RBPMS2: variants seen among roughly 807,000 people sequenced by gnomAD.
The protein encoded by RBPMS2 is RNA binding protein, mRNA processing factor 2, also known as RNA-binding protein with multiple splicing 2.
RBPMS2 carries 14 observed loss-of-function variants against 25.7 expected under a neutral mutation model. That is an observed-to-expected ratio of 0.55 (90% CI 0.36 to 0.85). The LOEUF is 0.85. Among genes scored for constraint, RBPMS2 ranks in the 40% least tolerant of loss-of-function variants. RBPMS2 has a pLI of 0.01. For missense variants in RBPMS2, 252 were observed against 283.4 expected, an observed-to-expected ratio of 0.89 and a Z score of 0.80; for synonymous variants, 127 against 115.6, an observed-to-expected ratio of 1.10 and a Z score of -0.63.
At chr15:64,749,396 G>T in intron 4 of RBPMS2, 35 bp downstream of exon 4, 1 of 1,582,830 alleles carries the variant, frequency 6.3e-7, no homozygotes, top group Non-Finnish European at 8.7e-7. Context: ...TAAGAGGGCT[G>T]TGAGTCAGAG....
intron 4 of RBPMS2, 79 bp downstream of exon 4, chr15:64,749,352 C>T: frequency 1.4e-6 from 2 of 1,423,376 alleles, no homozygotes; most frequent in Non-Finnish European, 9.9e-7. Context: ...CCAGGGATGG[C>T]CGGGAAATAA....
chr15:64,747,230 C>G (rs2083625542), intron 6 of RBPMS2, among the ~76,000 whole-genome samples: 1 of 152,164 alleles, frequency 6.6e-6, no homozygotes, highest in Non-Finnish European at 1.5e-5. Flanking sequence ...AGGGTAGCAG[C>G]CCCTGAATCT....
At chr15:64,766,379 C>T (rs566377569) in intron 1 of RBPMS2, among the ~76,000 whole-genome samples, 47 of 152,088 alleles carry the variant, frequency 3.1e-4, no homozygotes, top group Non-Finnish European at 5.7e-4. Context: ...AGTGTTGGCA[C>T]GTATCAGAAG....
intron 1 of RBPMS2, among the ~76,000 whole-genome samples, chr15:64,764,644 G>A (rs989219910): frequency 1.3e-5 from 2 of 152,212 alleles, no homozygotes; most frequent in African/African-American, 4.8e-5. Context: ...GGTGGGGCAC[G>A]GTGGCTCACG....
chr15:64,763,431 G>C (rs889659193), intron 1 of RBPMS2, among the ~76,000 whole-genome samples: 1 of 152,274 alleles, frequency 6.6e-6, no homozygotes, highest in African/African-American at 2.4e-5. Flanking sequence ...TGGCCCCAGA[G>C]TTTACCAGTG....
intron 1 of RBPMS2, 90 bp downstream of exon 1, chr15:64,775,143 G>T: frequency 1.4e-6 from 1 of 692,384 alleles, no homozygotes. Context: ...GGCCACCCCG[G>T]CCCCGCGAGG....
intron 1 of RBPMS2, among the ~76,000 whole-genome samples, chr15:64,764,027 G>C (rs1204567310): frequency 6.6e-6 from 1 of 152,222 alleles, no homozygotes; most frequent in African/African-American, 2.4e-5. Flanking sequence ...AGACCAAACA[G>C]AGAATGAGCT....
At chr15:64,743,965 G>A (rs374354536) in intron 6 of RBPMS2, among the ~76,000 whole-genome samples, 2 of 152,064 alleles carry the variant, frequency 1.3e-5, no homozygotes, top group Non-Finnish European at 2.9e-5. Context: ...AATTAGCTGG[G>A]CGTGGTAGCA....
chr15:64,740,299 A>C lies in RBPMS2; in HGVS notation c.*709T>G, dbSNP rs1027219523. Reference sequence around the variant, plus strand: ...TTTTGGTTGGTTTCGAGGTTTGGAAAGAATGAGGAGCAGCGGCGGGCGGGG... The same window carrying C: ...TTTTGGTTGGTTTCGAGGTTTGGAACGAATGAGGAGCAGCGGCGGGCGGGG... On this transcript the variant is annotated 3_prime_UTR_variant, in exon 8 of 8. Transcript: ENST00000300069. 1 of 152,400 alleles carries C rather than the reference A, an allele frequency of 6.6e-6. No individual in the cohort carries two copies. Among genetic ancestry groups the C allele is most frequent in the Non-Finnish European group, 1.5e-5 (1 of 68,090 alleles). 9.4% of individuals were successfully genotyped at this position (152,400 alleles called of 1,614,324 possible).
chr15:64,767,948 C>T (rs1415304387), intron 1 of RBPMS2, among the ~76,000 whole-genome samples: 1 of 152,136 alleles, frequency 6.6e-6, no homozygotes, highest in African/African-American at 2.4e-5. Context: ...GGATTACAGG[C>T]ATGAGCCAAC....
In RBPMS2 at chr15:64,770,186, AG is replaced by A. The variant is rs1304081506; in HGVS notation, c.87+5046del. Among the ~76,000 whole-genome samples, 4 of 152,248 alleles carry A rather than the reference AG, an allele frequency of 2.6e-5. No individual in the cohort carries two copies. In the East Asian group the frequency reaches 5.8e-4, roughly 22 times the overall value. The stretch of plus-strand genomic sequence containing the variant: ...ATGGCGAGACTCCGTCTCAAAAAAA[AG>A]AAAAAAAAAAGAAAATTGCAGATAC... On this transcript the variant is annotated intron_variant, in intron 1 of 7. Coordinates refer to ENST00000300069, the MANE Select transcript of RBPMS2 (RefSeq NM_194272.3).
intron 1 of RBPMS2, among the ~76,000 whole-genome samples, chr15:64,768,779 A>AGAGCAAG (rs1555431566): frequency 6.9e-6 from 1 of 144,660 alleles, no homozygotes; most frequent in Non-Finnish European, 1.5e-5. Context: ...CCTGGGCAAC[A>AGAGCAAG]ACAGAGACCC....
chr15:64,759,653 C>A (rs1193862150), intron 1 of RBPMS2, among the ~76,000 whole-genome samples: 1 of 151,942 alleles, frequency 6.6e-6, no homozygotes, highest in African/African-American at 2.4e-5. Flanking sequence ...GAAAGGGACT[C>A]GGCCTGTTTT....
chr15:64,757,766 G>A (rs1322269455), intron 1 of RBPMS2, among the ~76,000 whole-genome samples: 1 of 151,798 alleles, frequency 6.6e-6, no homozygotes, highest in Non-Finnish European at 1.5e-5. Flanking sequence ...AAACATTCAG[G>A]AACAGGCTGG....
At chr15:64,774,744 C>CCGCCCGGCCGGCCG (rs2083917283) in intron 1 of RBPMS2, among the ~76,000 whole-genome samples, 1 of 16,062 alleles carries the variant, frequency 6.2e-5, no homozygotes, top group Non-Finnish European at 2.0e-4. Context: ...CCGGCCGGCC[C>CCGCCCGGCCGGCCG]AGGCCTCCAA....
intron 1 of RBPMS2, among the ~76,000 whole-genome samples, chr15:64,766,095 AAAG>A (rs1255122518): frequency 2.6e-5 from 4 of 152,158 alleles, no homozygotes; most frequent in African/African-American, 4.8e-5. Context: ...GGTTAACCAC[AAAG>A]AAGGGCGAAG....
intron 1 of RBPMS2, among the ~76,000 whole-genome samples, chr15:64,769,540 G>C (rs2083877049): frequency 6.7e-6 from 1 of 149,790 alleles, no homozygotes; most frequent in African/African-American, 2.5e-5. Flanking sequence ...GGCGCCTGTA[G>C]TCCCAGCTAC....
chr15:64,769,521 G>A (rs543702315), intron 1 of RBPMS2, among the ~76,000 whole-genome samples: 9 of 151,222 alleles, frequency 6.0e-5, no homozygotes, highest in Admixed American at 2.0e-4. Context: ...TTAGCCGGGC[G>A]TAGCAGCGGG....
intron 1 of RBPMS2, among the ~76,000 whole-genome samples, chr15:64,771,978 C>A (rs180709046): frequency 7.4e-4 from 113 of 152,210 alleles, no homozygotes; most frequent in African/African-American, 2.5e-3. Flanking sequence ...AAAAAAATAA[C>A]CTATGCACAT....
Sources: allele counts gnomAD v4.1 joint callset (sites outside exome capture counted in the v4.1 genomes callset), GRCh38; gene constraint gnomAD v4.1.1; transcripts MANE v1.5; gene names NCBI Gene and HGNC (gene_info 2026-07-23, HGNC 2026-07-21).